Variants in B3GLCT observed in about 807,000 individuals in gnomAD.
B3GLCT encodes the protein beta 3-glucosyltransferase.
A neutral mutation model predicts 63.4 loss-of-function variants in B3GLCT; 65 were observed. That is an observed-to-expected ratio of 1.03 (90% CI 0.84 to 1.26). The LOEUF (loss-of-function observed/expected upper bound fraction) is 1.26, where lower values mean the gene tolerates loss of function less well. Among genes scored for constraint, B3GLCT ranks in the 50% most tolerant of loss-of-function variants. The probability of loss-of-function intolerance (pLI) is 0.00; values close to 1 mark genes in which losing one functional copy is unlikely to be tolerated. For synonymous variants in B3GLCT, 233 were observed against 219.2 expected, an observed-to-expected ratio of 1.06 and a Z score of -0.55; for missense variants, 577 against 604.8, an observed-to-expected ratio of 0.95 and a Z score of 0.48.
intron 14 of B3GLCT, among the ~76,000 whole-genome samples, chr13:31,327,991 C>T (rs999999414): frequency 7.2e-5 from 11 of 152,200 alleles, no homozygotes; most frequent in Middle Eastern, 3.2e-3. Flanking sequence ...GCCCAACCGG[C>T]GGTAAGATGG....
At chr13:31,223,750 C>G (rs1869947293) in intron 3 of B3GLCT, among the ~76,000 whole-genome samples, 1 of 151,978 alleles carries the variant, frequency 6.6e-6, no homozygotes, top group Non-Finnish European at 1.5e-5. Context: ...AGGAATGACC[C>G]AAGTCTGGAA....
At chr13:31,300,741 T>C (rs1874181470) in intron 12 of B3GLCT, among the ~76,000 whole-genome samples, 1 of 152,198 alleles carries the variant, frequency 6.6e-6, no homozygotes, top group African/African-American at 2.4e-5. Flanking sequence ...TCTTAGGTTC[T>C]ACAATAGTAA....
intron 12 of B3GLCT, among the ~76,000 whole-genome samples, chr13:31,298,142 G>A (rs1201683504): frequency 2.0e-5 from 3 of 152,172 alleles, no homozygotes; most frequent in Admixed American, 6.5e-5. Flanking sequence ...CTGGTGACCA[G>A]TCCCATCTTG....
chr13:31,315,883 C>T (rs1403616204), intron 12 of B3GLCT, among the ~76,000 whole-genome samples: 1 of 152,244 alleles, frequency 6.6e-6, no homozygotes, highest in African/African-American at 2.4e-5. Context: ...CCAGATGCTC[C>T]AGCCATGGCT....
chr13:31,308,645 A>C (rs1437368437), intron 12 of B3GLCT, among the ~76,000 whole-genome samples: 2 of 152,176 alleles, frequency 1.3e-5, no homozygotes, highest in African/African-American at 4.8e-5. Flanking sequence ...AAAACCAAAG[A>C]TACTGCCCCT....
At chr13:31,269,717 G>A (rs2137847255) in intron 8 of B3GLCT, among the ~76,000 whole-genome samples, 1 of 152,140 alleles carries the variant, frequency 6.6e-6, no homozygotes, top group Middle Eastern at 3.4e-3. Context: ...GGAGGTGATA[G>A]GGGCATGAGA....
At chr13:31,272,553 T>C (rs183795759) in intron 8 of B3GLCT, among the ~76,000 whole-genome samples, 4 of 152,240 alleles carry the variant, frequency 2.6e-5, no homozygotes, top group East Asian at 1.9e-4. Flanking sequence ...TGTCTTCTTA[T>C]TCATTTATTT....
chr13:31,294,001 TGTG>T lies in B3GLCT; in HGVS notation c.1064+7187_1064+7189del, dbSNP rs377511245. On this transcript the variant is annotated intron_variant, in intron 12 of 14. Coordinates refer to ENST00000343307, the MANE Select transcript of B3GLCT (RefSeq NM_194318.4). The stretch of plus-strand genomic sequence containing the variant: ...TCAGGAGCTCTTGTAAGGAAGGCCT[TGTG>T]GTGGCAAAATCTCTCAGCATTTGCT... Among the ~76,000 whole-genome samples the T allele has an allele frequency of 4.2e-3, 638 of 152,274 alleles. 4 individuals carry two copies. The highest frequency in any genetic ancestry group is 0.014 in the African/African-American group (586 of 41,560).
rs1872245435 is a variant in B3GLCT, at chr13:31,265,454, TA to T, written c.597-3758del. 2.0e-5 allele frequency among the ~76,000 whole-genome samples: 3 copies of T among 152,204 alleles called. No individual in the cohort carries two copies. In the South Asian group the frequency reaches 6.2e-4, roughly 31 times the overall value. ...TTTACGGCCCACATTGTAGGTAGCG[TA>T]ACAACTTACAGTTACTTAGGTGTTT... On this transcript the variant is annotated intron_variant, in intron 7 of 14. Coordinates refer to ENST00000343307, the MANE Select transcript of B3GLCT (RefSeq NM_194318.4).
At chr13:31,281,863 T>A (rs1593294656) in intron 10 of B3GLCT, among the ~76,000 whole-genome samples, 1 of 152,220 alleles carries the variant, frequency 6.6e-6, no homozygotes, top group Non-Finnish European at 1.5e-5. Flanking sequence ...TCATTTATAA[T>A]CTGAGACAGT....
At chr13:31,264,924 C>G (rs2137837409) in intron 7 of B3GLCT, among the ~76,000 whole-genome samples, 1 of 152,208 alleles carries the variant, frequency 6.6e-6, no homozygotes, top group East Asian at 1.9e-4. Context: ...GTTGGTTGAT[C>G]TAGCAGTTTA....
intron 2 of B3GLCT, among the ~76,000 whole-genome samples, chr13:31,222,409 C>T (rs1011270493): frequency 2.6e-5 from 4 of 152,154 alleles, no homozygotes; most frequent in African/African-American, 9.7e-5. Context: ...CCACCATAGG[C>T]TGGCCTCTGA....
At chr13:31,255,285 C>A (rs1670050059) in intron 6 of B3GLCT, among the ~76,000 whole-genome samples, 2 of 152,032 alleles carry the variant, frequency 1.3e-5, no homozygotes, top group Non-Finnish European at 2.9e-5. Flanking sequence ...CAAACCACTG[C>A]TTAAGGAAAT....
At chr13:31,270,861 A>G (rs1872549565) in intron 8 of B3GLCT, among the ~76,000 whole-genome samples, 1 of 152,244 alleles carries the variant, frequency 6.6e-6, no homozygotes, top group Admixed American at 6.5e-5. Context: ...ACAACCAGGA[A>G]GAATTAGGCA....
At chr13:31,203,960 A>G (rs575229645) in intron 1 of B3GLCT, among the ~76,000 whole-genome samples, 1 of 152,246 alleles carries the variant, frequency 6.6e-6, no homozygotes, top group Non-Finnish European at 1.5e-5. Context: ...CCTCTCATTT[A>G]TTCAGAGTAA....
At chr13:31,246,268 G>T (rs563499529) in intron 4 of B3GLCT, among the ~76,000 whole-genome samples, 1 of 152,236 alleles carries the variant, frequency 6.6e-6, no homozygotes, top group East Asian at 1.9e-4. Context: ...TTTGGCTTTT[G>T]TAACAACTTG....
At chr13:31,283,463 A>G (rs952633255) in intron 10 of B3GLCT, among the ~76,000 whole-genome samples, 1 of 152,142 alleles carries the variant, frequency 6.6e-6, no homozygotes, top group African/African-American at 2.4e-5. Context: ...TATTTAGTAC[A>G]TCTTTGACCA....
At chr13:31,250,236 C>T (rs1273727826) in intron 6 of B3GLCT, among the ~76,000 whole-genome samples, 2 of 152,150 alleles carry the variant, frequency 1.3e-5, no homozygotes, top group Non-Finnish European at 1.5e-5. Context: ...TGCAGTGGTG[C>T]AGTCTTGGCT....
At chr13:31,224,858 A>G (rs1392816029) in intron 3 of B3GLCT, among the ~76,000 whole-genome samples, 1 of 152,036 alleles carries the variant, frequency 6.6e-6, no homozygotes, top group Non-Finnish European at 1.5e-5. Context: ...GATGAAACCC[A>G]TTTTTCTAGG....
Sources: allele counts gnomAD v4.1 joint callset (sites outside exome capture counted in the v4.1 genomes callset), GRCh38; gene constraint gnomAD v4.1.1; transcripts MANE v1.5; gene names NCBI Gene and HGNC (gene_info 2026-07-23, HGNC 2026-07-21).